Variants in LRRC37A2 observed in about 807,000 individuals in gnomAD.
LRRC37A2 encodes leucine rich repeat containing 37 member A2.
A neutral mutation model predicts 68.8 loss-of-function variants in LRRC37A2; 9 were observed. The ratio of observed to expected loss-of-function variants is 0.13; its 90% CI spans 0.08 to 0.23. The LOEUF (loss-of-function observed/expected upper bound fraction) is 0.23. Among genes scored for constraint, LRRC37A2 ranks in the 10% least tolerant of loss-of-function variants. LRRC37A2 has a pLI of 1.00. For synonymous variants in LRRC37A2, 63 were observed against 367.6 expected, an observed-to-expected ratio of 0.17 and a Z score of 9.48; for missense variants, 168 against 950.4, an observed-to-expected ratio of 0.18 and a Z score of 10.82.
the LRRC37A2 span, among the ~76,000 whole-genome samples, chr17:46,774,408 C>A: frequency 6.6e-6 from 1 of 152,360 alleles, no homozygotes; most frequent in South Asian, 2.1e-4. Flanking sequence ...CTCTTCCCTG[C>A]GATGGTGCCA....
At chr17:46,903,865 G>A in the LRRC37A2 span, among the ~76,000 whole-genome samples, 2 of 151,126 alleles carry the variant, frequency 1.3e-5, no homozygotes, top group Non-Finnish European at 3.0e-5. Context: ...GGTGGATGTA[G>A]GGATGAGTGG....
the LRRC37A2 span, among the ~76,000 whole-genome samples, chr17:47,007,453 C>T: frequency 6.6e-6 from 1 of 152,340 alleles, no homozygotes; most frequent in East Asian, 1.9e-4. Context: ...GCTGGGATTG[C>T]AGGCGTGAGC....
At chr17:46,394,544 A>G in the LRRC37A2 span, among the ~76,000 whole-genome samples, 624 of 54,634 alleles carry the variant, frequency 0.011, 35 homozygotes, top group African/African-American at 0.033. Context: ...CAAGATCTTC[A>G]ACATCATAGT....
chr17:46,751,490 A>C, the LRRC37A2 span: 1 of 1,599,628 alleles, frequency 6.3e-7, no homozygotes, highest in African/African-American at 1.3e-5. Flanking sequence ...ATTATTGTTT[A>C]TTGTTTTTGT....
chr17:46,761,298 G>A, the LRRC37A2 span, among the ~76,000 whole-genome samples: 2 of 151,592 alleles, frequency 1.3e-5, no homozygotes, highest in African/African-American at 4.9e-5. Context: ...CACCATAGGC[G>A]GCTCATGGCT....
At chr17:46,922,669 G>A in the LRRC37A2 span, 123 of 156,542 alleles carry the variant, frequency 7.9e-4, no homozygotes, top group Non-Finnish European at 1.4e-3. Flanking sequence ...TTTACTGGAT[G>A]GATAAATAGG....
chr17:46,820,243 G>T, the LRRC37A2 span, among the ~76,000 whole-genome samples: 1 of 152,316 alleles, frequency 6.6e-6, no homozygotes, highest in East Asian at 1.9e-4. Flanking sequence ...TGGCCTCGGG[G>T]GCACCAAGGG....
the LRRC37A2 span, among the ~76,000 whole-genome samples, chr17:46,751,070 G>A: frequency 8.6e-5 from 13 of 152,022 alleles, no homozygotes; most frequent in African/African-American, 2.9e-4. Flanking sequence ...AGTCCTCAAG[G>A]CCCCCAACAA....
the LRRC37A2 span, chr17:46,941,521 T>G: frequency 8.3e-5 from 41 of 492,768 alleles, no homozygotes; most frequent in Non-Finnish European, 1.0e-4. Context: ...TACATATTCC[T>G]GGGGCCTACC....
chr17:46,662,716 G>GT, the LRRC37A2 span, among the ~76,000 whole-genome samples: 3 of 138,284 alleles, frequency 2.2e-5, no homozygotes, highest in East Asian at 5.9e-4. Context: ...AGCTTGGTTG[G>GT]TTTTTTCTAG....
chr17:46,781,598 G>C, the LRRC37A2 span, among the ~76,000 whole-genome samples: 3 of 152,144 alleles, frequency 2.0e-5, no homozygotes, highest in African/African-American at 7.2e-5. Context: ...TGGAAGGGAG[G>C]GAGTGGGAAG....
At chr17:46,971,388 C>T in the LRRC37A2 span, among the ~76,000 whole-genome samples, 1 of 152,084 alleles carries the variant, frequency 6.6e-6, no homozygotes, top group Non-Finnish European at 1.5e-5. Flanking sequence ...AGGACACACT[C>T]CATGGCTTCT....
chr17:47,038,168 T>TG, the LRRC37A2 span, among the ~76,000 whole-genome samples: 1 of 152,058 alleles, frequency 6.6e-6, no homozygotes, highest in Admixed American at 6.6e-5. Context: ...TAGCTGAACA[T>TG]GGTGGCACAC....
chr17:46,801,544 T>C, the LRRC37A2 span, among the ~76,000 whole-genome samples: 1 of 152,226 alleles, frequency 6.6e-6, no homozygotes, highest in Non-Finnish European at 1.5e-5. Flanking sequence ...AGCTTGAACC[T>C]GGGAGGCGGA....
chr17:46,938,469 T>G, the LRRC37A2 span: 6 of 1,420,868 alleles, frequency 4.2e-6, no homozygotes, highest in South Asian at 6.9e-5. Flanking sequence ...CTGGCTGATA[T>G]TGCTTTCTGT....
chr17:46,822,641 G>A, the LRRC37A2 span, among the ~76,000 whole-genome samples: 2 of 152,222 alleles, frequency 1.3e-5, no homozygotes, highest in Admixed American at 6.5e-5. Flanking sequence ...GAGGATCTTG[G>A]TTAAGCAGGT....
the LRRC37A2 span, among the ~76,000 whole-genome samples, chr17:46,781,897 G>A: frequency 6.6e-6 from 1 of 152,200 alleles, no homozygotes; most frequent in African/African-American, 2.4e-5. Flanking sequence ...GGGTCACACA[G>A]CTGGCTGCCC....
At chr17:46,598,748 ATGAC>A in the LRRC37A2 span, among the ~76,000 whole-genome samples, 1 of 152,078 alleles carries the variant, frequency 6.6e-6, no homozygotes, top group African/African-American at 2.4e-5. Flanking sequence ...TTGTGGGTGA[ATGAC>A]ATCATTACCA....
At chr17:46,860,696 AC>A in the LRRC37A2 span, among the ~76,000 whole-genome samples, 1 of 152,202 alleles carries the variant, frequency 6.6e-6, no homozygotes, top group Non-Finnish European at 1.5e-5. Flanking sequence ...TTTGGTGGTG[AC>A]ATCTGTTCCT....
Sources: gnomAD v4.1 joint callset for allele counts (sites outside exome capture counted in the v4.1 genomes callset) on GRCh38, gnomAD v4.1.1 for gene constraint, MANE v1.5 for transcripts, NCBI Gene and HGNC (gene_info 2026-07-23, HGNC 2026-07-21) for gene names.